The following RPS6KC1 variants were observed in gnomAD, a reference collection of about 807,000 sequenced individuals.
RPS6KC1 encodes ribosomal protein S6 kinase C1.
A neutral mutation model predicts 103.8 loss-of-function variants in RPS6KC1; 54 were observed. That is an observed-to-expected ratio of 0.52 (90% CI 0.42 to 0.65). The LOEUF (loss-of-function observed/expected upper bound fraction) is 0.65. Ranked by LOEUF, RPS6KC1 falls within the 30% of genes least tolerant of loss-of-function variation. The pLI is 0.00. For missense variants in RPS6KC1, 1,151 were observed against 1,253.8 expected, an observed-to-expected ratio of 0.92 and a Z score of 1.24; for synonymous variants, 439 against 438.7, an observed-to-expected ratio of 1.00 and a Z score of -0.01.
Position 213,128,523 on chromosome 1 carries a change from G to A in RPS6KC1, c.473-1004G>A, listed in dbSNP as rs11800290. On this transcript the variant is annotated intron_variant, in intron 5 of 14. Transcript: ENST00000366960. ...GAAAGTCTGATATGTATTGTGGATC[G>A]TGCTCATTTACCATGATGTCAGTTA... is the stretch of plus-strand genomic sequence containing the variant. Among the ~76,000 whole-genome samples, 669 of 152,212 alleles carry A rather than the reference G, an allele frequency of 4.4e-3. 4 individuals are homozygous for A. The highest frequency in any genetic ancestry group is 0.015 in the African/African-American group (640 of 41,540).
chr1:213,143,369 CAT>C (rs2087312152), intron 6 of RPS6KC1, among the ~76,000 whole-genome samples: 1 of 151,572 alleles, frequency 6.6e-6, no homozygotes, highest in South Asian at 2.1e-4. Context: ...CTTATTCACT[CAT>C]GTTAGCATTT....
chr1:213,744,146 G>A, the RPS6KC1 span, among the ~76,000 whole-genome samples: 1 of 152,038 alleles, frequency 6.6e-6, no homozygotes, highest in Non-Finnish European at 1.5e-5. Context: ...AGTGGAGGGC[G>A]AGGGATAAAA....
chr1:213,072,260 G>A (rs1328879018), intron 2 of RPS6KC1, among the ~76,000 whole-genome samples: 2 of 151,950 alleles, frequency 1.3e-5, no homozygotes, highest in Non-Finnish European at 2.9e-5. Flanking sequence ...TAAGGTGACT[G>A]TTTGGTACTG....
At chr1:213,135,071 G>A (rs1202229413) in intron 6 of RPS6KC1, among the ~76,000 whole-genome samples, 2 of 152,072 alleles carry the variant, frequency 1.3e-5, no homozygotes, top group Non-Finnish European at 2.9e-5. Flanking sequence ...TTTCATAGAC[G>A]CCCTTTATCA....
At chr1:213,557,215 C>T in the RPS6KC1 span, among the ~76,000 whole-genome samples, 2 of 152,192 alleles carry the variant, frequency 1.3e-5, no homozygotes, top group African/African-American at 2.4e-5. Context: ...TGTGTGCCCA[C>T]TCTGAGCTCA....
intron 6 of RPS6KC1, among the ~76,000 whole-genome samples, chr1:213,164,700 C>T (rs2090796171): frequency 6.6e-6 from 1 of 152,000 alleles, no homozygotes; most frequent in Non-Finnish European, 1.5e-5. Flanking sequence ...GTAGCTGGAA[C>T]CACAGGTGCG....
intron 8 of RPS6KC1, chr1:213,205,536 T>TATATA (rs1553378413): frequency 8.5e-5 from 7 of 82,292 alleles, no homozygotes; most frequent in Non-Finnish European, 1.8e-4. Context: ...ACAAACTCAT[T>TATATA]TATATATATA....
chr1:213,756,765 C>A, the RPS6KC1 span, among the ~76,000 whole-genome samples: 1 of 152,010 alleles, frequency 6.6e-6, no homozygotes, highest in South Asian at 2.1e-4. Context: ...TACAGGCACA[C>A]ACCACTGCAC....
the RPS6KC1 span, among the ~76,000 whole-genome samples, chr1:213,861,389 G>A: frequency 6.6e-6 from 1 of 152,050 alleles, no homozygotes; most frequent in Non-Finnish European, 1.5e-5. Context: ...AGCTGGGTGC[G>A]CACCCAGGCC....
chr1:213,301,785 G>C, the RPS6KC1 span, among the ~76,000 whole-genome samples: 1 of 151,672 alleles, frequency 6.6e-6, no homozygotes, highest in African/African-American at 2.4e-5. Context: ...CAGGCTACTA[G>C]AGTGTAGTGG....
the RPS6KC1 span, among the ~76,000 whole-genome samples, chr1:213,635,129 A>G: frequency 6.6e-6 from 1 of 152,230 alleles, no homozygotes; most frequent in Non-Finnish European, 1.5e-5. Context: ...GGCAATAATT[A>G]AGAGCCTACC....
At chr1:213,749,608 C>T in the RPS6KC1 span, among the ~76,000 whole-genome samples, 1 of 152,146 alleles carries the variant, frequency 6.6e-6, no homozygotes, top group Non-Finnish European at 1.5e-5. Flanking sequence ...ATCCCCACAA[C>T]CAAAAGGGCA....
At chr1:213,447,658 A>G in the RPS6KC1 span, among the ~76,000 whole-genome samples, 6 of 152,100 alleles carry the variant, frequency 3.9e-5, no homozygotes, top group Non-Finnish European at 5.9e-5. Flanking sequence ...CTATTTCTCA[A>G]AGAATTGCAT....
chr1:213,836,346 G>A, the RPS6KC1 span, among the ~76,000 whole-genome samples: 1 of 151,814 alleles, frequency 6.6e-6, no homozygotes, highest in African/African-American at 2.4e-5. Context: ...GAGGAACCTG[G>A]CAAAACATTT....
intron 6 of RPS6KC1, among the ~76,000 whole-genome samples, chr1:213,147,338 T>G (rs1000182200): frequency 1.3e-5 from 2 of 152,198 alleles, no homozygotes; most frequent in African/African-American, 4.8e-5. Context: ...TTCTTAGACT[T>G]TAAGTCTTTA....
chr1:213,602,309 C>T, the RPS6KC1 span, among the ~76,000 whole-genome samples: 1 of 143,420 alleles, frequency 7.0e-6, no homozygotes, highest in Non-Finnish European at 1.5e-5. Context: ...GGCTGGCTCA[C>T]TGCAACCTCT....
intron 5 of RPS6KC1, among the ~76,000 whole-genome samples, chr1:213,126,535 T>C (rs2085009616): frequency 1.3e-5 from 2 of 152,142 alleles, no homozygotes; most frequent in Admixed American, 1.3e-4. Flanking sequence ...GTTTTTACCC[T>C]AACTTACTTT....
intron 8 of RPS6KC1, among the ~76,000 whole-genome samples, chr1:213,215,381 A>G (rs2148709994): frequency 6.6e-6 from 1 of 152,364 alleles, no homozygotes; most frequent in Middle Eastern, 3.4e-3. Context: ...GACTATGGGA[A>G]AAGACCAAAT....
At chr1:213,277,480 A>G (rs950145332), downstream of RPS6KC1, among the ~76,000 whole-genome samples, 13 of 152,220 alleles carry the variant, frequency 8.5e-5, no homozygotes, top group African/African-American at 2.2e-4. Flanking sequence ...GCAGCAGAGC[A>G]CTTGGCAGGC....
Sources: gnomAD v4.1 joint callset for allele counts (sites outside exome capture counted in the v4.1 genomes callset) on GRCh38, gnomAD v4.1.1 for gene constraint, MANE v1.5 for transcripts, NCBI Gene and HGNC (gene_info 2026-07-23, HGNC 2026-07-21) for gene names.